The following KLHL4 variants were observed in gnomAD, a reference collection of about 807,000 sequenced individuals.
The protein encoded by KLHL4 is kelch like family member 4.
KLHL4 carries 17 observed loss-of-function variants against 45.8 expected under a neutral mutation model. The ratio of observed to expected loss-of-function variants is 0.37; its 90% CI spans 0.25 to 0.56. The LOEUF (loss-of-function observed/expected upper bound fraction) is 0.56. Among genes scored for constraint, KLHL4 ranks in the 20% least tolerant of loss-of-function variants. KLHL4 has a pLI of 0.79. For synonymous variants in KLHL4, 224 were observed against 189.9 expected, an observed-to-expected ratio of 1.18 and a Z score of -1.47; for missense variants, 544 against 544.9, an observed-to-expected ratio of 1.00 and a Z score of 0.02.
intron 1 of KLHL4, among the ~76,000 whole-genome samples, chrX:87,526,384 T>C (rs914293165): frequency 1.8e-5 from 2 of 111,931 alleles, no homozygotes; most frequent in Admixed American, 9.6e-5. Context: ...AAAAGGTAAA[T>C]AATATGTGCT....
chrX:87,551,842 C>T (rs1931832969), intron 1 of KLHL4, among the ~76,000 whole-genome samples: 1 of 111,437 alleles, frequency 9.0e-6, no homozygotes, highest in Non-Finnish European at 1.9e-5. Flanking sequence ...GGATAATTGG[C>T]TAGCCACATG....
chrX:87,523,964 AAAAAATAAATAAAT>A (rs1220501472), intron 1 of KLHL4, among the ~76,000 whole-genome samples: 5 of 111,418 alleles, frequency 4.5e-5, no homozygotes, highest in African/African-American at 1.6e-4. Context: ...CTCCGTCTCA[AAAAAATAAATAAAT>A]AAAAATAAAT....
Position 87,667,340 on chromosome X carries a change from A to G in KLHL4, c.*806A>G. 8.6e-6 allele frequency: 6 copies of G among 698,816 alleles called. No individual in the cohort carries two copies. Among genetic ancestry groups the G allele is most frequent in the Non-Finnish European group, 1.0e-5 (6 of 588,677 alleles). 57.6% of individuals were successfully genotyped at this position (698,816 alleles called of 1,213,427 possible). On this transcript the variant is annotated 3_prime_UTR_variant, in exon 11 of 11. Transcript: ENST00000373119. Reference sequence around the variant, plus strand: ...CAGAGTGTCAGGGCCTCACTTGTATAGAATGTAATGTTCTCCTCAAACATT... The same window carrying G: ...CAGAGTGTCAGGGCCTCACTTGTATGGAATGTAATGTTCTCCTCAAACATT...
intron 1 of KLHL4, among the ~76,000 whole-genome samples, chrX:87,606,592 A>C (rs891444922): frequency 3.6e-5 from 4 of 111,243 alleles, no homozygotes; most frequent in Non-Finnish European, 7.6e-5. Context: ...TAGGCCAACA[A>C]ATTTGAGAAC....
At chrX:87,567,074 A>C (rs1336556855) in intron 1 of KLHL4, among the ~76,000 whole-genome samples, 1 of 111,479 alleles carries the variant, frequency 9.0e-6, no homozygotes, top group East Asian at 2.9e-4. Flanking sequence ...AGAAGTTAAA[A>C]AAAGGCATTT....
chrX:87,540,091 A>C (rs771706758), intron 1 of KLHL4, among the ~76,000 whole-genome samples: 1 of 111,226 alleles, frequency 9.0e-6, no homozygotes, highest in African/African-American at 3.3e-5. Flanking sequence ...ATGATATCAA[A>C]GATTAAAGAA....
chrX:87,547,381 G>C (rs1018113399), intron 1 of KLHL4, among the ~76,000 whole-genome samples: 1 of 111,220 alleles, frequency 9.0e-6, no homozygotes, highest in African/African-American at 3.3e-5. Flanking sequence ...CTTTCACCAT[G>C]AATGTAGGTT....
chrX:87,619,673 G>A (rs978536177), intron 4 of KLHL4, among the ~76,000 whole-genome samples: 4 of 111,394 alleles, frequency 3.6e-5, no homozygotes, highest in African/African-American at 1.3e-4. Flanking sequence ...AATACATTCC[G>A]AAAAAAGTTT....
intron 9 of KLHL4, among the ~76,000 whole-genome samples, chrX:87,653,938 A>G (rs1323052760): frequency 1.8e-5 from 2 of 110,780 alleles, no homozygotes. Context: ...AGGAGAACAC[A>G]TGGACACAGG....
chrX:87,581,200 G>C (rs1249981067), intron 1 of KLHL4, among the ~76,000 whole-genome samples: 1 of 112,200 alleles, frequency 8.9e-6, no homozygotes. Context: ...TTTTAAGGCT[G>C]AGACGGAGTG....
chrX:87,594,837 G>C (rs1436920904), intron 1 of KLHL4, among the ~76,000 whole-genome samples: 1 of 111,152 alleles, frequency 9.0e-6, no homozygotes, highest in Non-Finnish European at 1.9e-5. Flanking sequence ...CACCAAAGTT[G>C]ATCTTGTTTG....
intron 1 of KLHL4, among the ~76,000 whole-genome samples, chrX:87,527,096 T>C (rs1931127058): frequency 9.0e-6 from 1 of 111,532 alleles, no homozygotes; most frequent in African/African-American, 3.3e-5. Context: ...GAGACGAAAA[T>C]AGTCTGCAAT....
At chrX:87,614,784 G>A (rs5922465) in intron 3 of KLHL4, among the ~76,000 whole-genome samples, 41,169 of 109,307 alleles carry the variant, frequency 0.38, 6,020 homozygotes, top group Middle Eastern at 0.47. Flanking sequence ...ATATAAACTC[G>A]ATAATATAAA....
Position 87,666,837 on chromosome X carries a change from G to A in KLHL4, c.*303G>A. The A allele has an allele frequency of 1.3e-5, 10 of 786,384 alleles. No homozygotes were observed. Among genetic ancestry groups the A allele is most frequent in the Non-Finnish European group, 1.4e-5 (9 of 655,193 alleles). 64.8% of individuals were successfully genotyped at this position (786,384 alleles called of 1,213,427 possible). ...CTAAAATATTTAATGAAAATTGATG[G>A]TGGCCACAGTGTGCAGGTTATAAAA... On this transcript the variant is annotated 3_prime_UTR_variant, in exon 11 of 11. Transcript: ENST00000373119.
At chrX:87,574,827 C>T (rs1028195754) in intron 1 of KLHL4, among the ~76,000 whole-genome samples, 8 of 111,838 alleles carry the variant, frequency 7.2e-5, no homozygotes, top group Non-Finnish European at 1.1e-4. Flanking sequence ...ATGATCATAA[C>T]TTACTTTGCA....
chrX:87,580,556 A>C (rs1416325832), intron 1 of KLHL4, among the ~76,000 whole-genome samples: 2 of 111,348 alleles, frequency 1.8e-5, no homozygotes, highest in Non-Finnish European at 3.8e-5. Flanking sequence ...ACAACAAAAA[A>C]AATAGGGAGC....
intron 1 of KLHL4, among the ~76,000 whole-genome samples, chrX:87,611,738 A>G (rs924137444): frequency 1.8e-5 from 2 of 108,913 alleles, no homozygotes; most frequent in Admixed American, 9.9e-5. Flanking sequence ...ACTTAAAAAA[A>G]AAGTTAACTG....
At chrX:87,528,482 C>T (rs763913586) in intron 1 of KLHL4, among the ~76,000 whole-genome samples, 27 of 109,490 alleles carry the variant, frequency 2.5e-4, no homozygotes, top group Non-Finnish European at 4.4e-4. Context: ...TTTGGGAGGC[C>T]GAGGCAGGTG....
chrX:87,588,142 A>C (rs965069978), intron 1 of KLHL4, among the ~76,000 whole-genome samples: 52 of 111,817 alleles, frequency 4.7e-4, no homozygotes, highest in African/African-American at 1.7e-3. Flanking sequence ...TGATGAAAGA[A>C]ATTAAAGAGG....
Sources: allele counts gnomAD v4.1 joint callset (sites outside exome capture counted in the v4.1 genomes callset), GRCh38; gene constraint gnomAD v4.1.1; transcripts MANE v1.5; gene names NCBI Gene and HGNC (gene_info 2026-07-23, HGNC 2026-07-21).